Variants in CACNA1A observed in about 807,000 individuals in gnomAD.
CACNA1A encodes calcium voltage-gated channel subunit alpha1 A.
CACNA1A carries 57 observed loss-of-function variants against 262.4 expected under a neutral mutation model. That is an observed-to-expected ratio of 0.22 (90% CI 0.18 to 0.27). The LOEUF (loss-of-function observed/expected upper bound fraction) is 0.27. Among genes scored for constraint, CACNA1A ranks in the 10% least tolerant of loss-of-function variants. The pLI is 1.00. For missense variants in CACNA1A, 2,526 were observed against 3,562.8 expected (o/e 0.71, Z 7.41); for synonymous variants, 1,431 against 1,419.3 (o/e 1.01, Z -0.18).
At chr19:13,468,577 A>T (rs1039344116) in intron 1 of CACNA1A, among the ~76,000 whole-genome samples, 1 of 152,196 alleles carries the variant, frequency 6.6e-6, no homozygotes, top group African/African-American at 2.4e-5. Context: ...ACTTCAGATC[A>T]GGAGTTTGAG....
rs1463128263 is a variant in CACNA1A, at chr19:13,241,757, T to G, written c.4950+3425A>C. Among the ~76,000 whole-genome samples the G allele has an allele frequency of 6.6e-6, 1 of 152,122 alleles. No homozygotes were observed. The highest frequency in any genetic ancestry group is 6.5e-5 in the Admixed American group (1 of 15,278). ...AATGAATTTCATAGTGCATTTTGAT[T>G]GGATGAGTTTTTCAGACGGCGTTGC... is the stretch of plus-strand genomic sequence containing the variant. On this transcript the variant is annotated intron_variant, in intron 31 of 46. Transcript: ENST00000360228. The surrounding 1 kb of genome is among the most constrained non-coding windows in gnomAD (Gnocchi z 4.0).
intron 1 of CACNA1A, among the ~76,000 whole-genome samples, chr19:13,461,282 G>A (rs2061117534): frequency 6.6e-6 from 1 of 152,196 alleles, no homozygotes; most frequent in Non-Finnish European, 1.5e-5. Flanking sequence ...AGAGTTTGCA[G>A]TGAGCCGAGA....
At chr19:13,479,878 G>A (rs185079378) in intron 1 of CACNA1A, among the ~76,000 whole-genome samples, 14 of 152,306 alleles carry the variant, frequency 9.2e-5, no homozygotes, top group Admixed American at 6.5e-4. Context: ...TATACCAGCC[G>A]TTGACAAACT....
chr19:13,235,111 T>A, intron 33 of CACNA1A, 75 bp from the exon 34 acceptor site: 1 of 1,539,324 alleles, frequency 6.5e-7, no homozygotes, highest in African/African-American at 1.4e-5. Context: ...TCAACCTCCA[T>A]GGCTGCTTCT....
At chr19:13,322,216 A>AAG (rs1472135803) in intron 10 of CACNA1A, among the ~76,000 whole-genome samples, 4 of 151,718 alleles carry the variant, frequency 2.6e-5, no homozygotes, top group Non-Finnish European at 4.4e-5. Flanking sequence ...AAAAAAAAAA[A>AAG]AAAAGAAATC....
At chr19:13,210,704 T>C in intron 43 of CACNA1A, 52 bp from the exon 44 acceptor site, 1 of 1,537,844 alleles carries the variant, frequency 6.5e-7, no homozygotes, top group Non-Finnish European at 8.8e-7. Flanking sequence ...AAGAAGAAAA[T>C]AAATATAAAA....
chr19:13,340,941 T>C, intron 6 of CACNA1A, among the ~76,000 whole-genome samples: 1 of 152,090 alleles, frequency 6.6e-6, no homozygotes, highest in East Asian at 1.9e-4. Context: ...GCACAGTGGC[T>C]CACATCTGCA....
At chr19:13,280,615 G>A (rs919702793) in intron 22 of CACNA1A, among the ~76,000 whole-genome samples, 2 of 152,006 alleles carry the variant, frequency 1.3e-5, no homozygotes, top group Non-Finnish European at 2.9e-5. Flanking sequence ...CACATCCCAT[G>A]CCACACAGTA....
intron 1 of CACNA1A, among the ~76,000 whole-genome samples, chr19:13,455,776 G>A (rs903518446): frequency 4.7e-5 from 7 of 149,856 alleles, no homozygotes; most frequent in Admixed American, 1.3e-4. Context: ...AGGCTGAGGC[G>A]AGAGAATTGC....
Position 13,230,174 on chromosome 19 carries a change from G to A in CACNA1A, c.5436C>T (p.Asn1812=). Residue 1812 remains asparagine, a synonymous_variant, in exon 36 of 47, where the codon AAC becomes AAT. Transcript: ENST00000360228. ...LNLFVAVIMD[N]FEYLTRDSSI... ...AGGAGTCTCGGGTGAGGTACTCAAA[G>A]TTGTCCATGATGACGGCGACAAAGA... 7 of 1,613,958 alleles carry A rather than the reference G, an allele frequency of 4.3e-6. No homozygotes were observed. The highest frequency in any genetic ancestry group is 2.2e-5 in the East Asian group (1 of 44,876).
intron 31 of CACNA1A, among the ~76,000 whole-genome samples, chr19:13,242,853 AAG>A (rs1236670915): frequency 2.0e-5 from 3 of 152,178 alleles, no homozygotes; most frequent in African/African-American, 7.2e-5. Flanking sequence ...GAGATAGCGC[AAG>A]TTGTCCAAGA....
chr19:13,267,890 C>T (rs1256525075), intron 24 of CACNA1A, among the ~76,000 whole-genome samples: 2 of 151,908 alleles, frequency 1.3e-5, no homozygotes, highest in East Asian at 2.0e-4. Context: ...AGGTGATTCT[C>T]CCACCTTAGC....
At chr19:13,425,442 A>G (rs548060751) in intron 3 of CACNA1A, among the ~76,000 whole-genome samples, 4 of 152,290 alleles carry the variant, frequency 2.6e-5, no homozygotes, top group African/African-American at 7.2e-5. Flanking sequence ...CCACTCCCCA[A>G]GTAGGATGGG....
intron 3 of CACNA1A, among the ~76,000 whole-genome samples, chr19:13,375,219 A>G (rs2059384799): frequency 6.6e-6 from 1 of 152,104 alleles, no homozygotes; most frequent in Admixed American, 6.6e-5. Flanking sequence ...GACTATAGTC[A>G]TTGTTTGGGG....
chr19:13,320,237 CGAGAGAGAGAGAGAGAGA>C (rs146095824), intron 10 of CACNA1A, among the ~76,000 whole-genome samples: 1 of 127,150 alleles, frequency 7.9e-6, no homozygotes, highest in Non-Finnish European at 1.7e-5. Context: ...TTCCACAGAT[CGAGAGAGAGAGAGAGAGA>C]GAGAGAGAGA....
intron 3 of CACNA1A, among the ~76,000 whole-genome samples, chr19:13,410,231 C>T (rs1350865043): frequency 1.3e-5 from 2 of 149,994 alleles, no homozygotes; most frequent in Admixed American, 6.6e-5. Context: ...TTAGGTCTCC[C>T]ATCTTTTTTT....
In CACNA1A at chr19:13,380,645, CAAAAAAAAAAA is replaced by C. The variant is rs370031243; in HGVS notation, c.540-8877_540-8867del. Among the ~76,000 whole-genome samples the C allele has an allele frequency of 9.1e-5, 5 of 55,220 alleles. No homozygotes were observed. The Admixed American group carries it at 1.6e-3, about 18-fold the overall frequency. 36.2% of individuals were successfully genotyped at this position (55,220 alleles called of 152,430 possible). A position where few individuals can be genotyped will look rare whatever the true frequency, so the allele number is the denominator to read the frequency against. ...TGGGTGACAGAGCGTGACTCTGTCT[CAAAAAAAAAAA>C]AAAAAAAAAAAAAAATTAAAATTTG... On this transcript the variant is annotated intron_variant, in intron 3 of 46. Transcript: ENST00000360228.
At chr19:13,297,800 A>G (rs2057694940) in intron 19 of CACNA1A, among the ~76,000 whole-genome samples, 1 of 151,684 alleles carries the variant, frequency 6.6e-6, no homozygotes, top group South Asian at 2.1e-4. Context: ...AACAGGCGAG[A>G]CCCTGTGTCA....
At chr19:13,376,620 AAC>A (rs941188501) in intron 3 of CACNA1A, among the ~76,000 whole-genome samples, 4 of 148,176 alleles carry the variant, frequency 2.7e-5, no homozygotes, top group South Asian at 2.1e-4. Context: ...TGTTATATAT[AAC>A]ACACTACACA....
Sources: gnomAD v4.1 joint callset for allele counts (sites outside exome capture counted in the v4.1 genomes callset) on GRCh38, gnomAD v4.1.1 for gene constraint, Gnocchi (gnomAD v3.1) non-coding constraint, MANE v1.5 for transcripts, NCBI Gene and HGNC (gene_info 2026-07-23, HGNC 2026-07-21) for gene names.